The following HUWE1 variants were observed in gnomAD, a reference collection of about 807,000 sequenced individuals.
HUWE1 encodes HECT, UBA and WWE domain containing E3 ubiquitin protein ligase 1.
HUWE1 carries 18 observed loss-of-function variants against 299.4 expected under a neutral mutation model. That is an observed-to-expected ratio of 0.06 (90% CI 0.04 to 0.09). The LOEUF (loss-of-function observed/expected upper bound fraction) is 0.09. HUWE1 is among the 10% of genes least tolerant of loss of function. The pLI, the probability that HUWE1 is intolerant of heterozygous loss-of-function variation, is 1.00. For missense variants in HUWE1, 1,832 were observed against 3,462.3 expected, an observed-to-expected ratio of 0.53 and a Z score of 11.82; for synonymous variants, 1,317 against 1,286.1, an observed-to-expected ratio of 1.02 and a Z score of -0.51.
At position 53,559,540 on chromosome X, in the gene HUWE1, G is replaced by A; in HGVS notation, c.7737-8C>T. 8.3e-7 allele frequency: 1 copy of A among 1,203,438 alleles called. No homozygotes were observed. The highest frequency in any genetic ancestry group is 1.1e-6 in the Non-Finnish European group (1 of 889,722). On this transcript the variant is annotated splice_polypyrimidine_tract_variant and splice_region_variant and intron_variant, in intron 56 of 83. Coordinates refer to ENST00000262854, the MANE Select transcript of HUWE1 (RefSeq NM_031407.7). ...GCTGAGGGACCAAGCAACCTGTAGG[G>A]TAATGGTGGGTACCATGATCACTGT...
At position 53,586,573 on chromosome X, in the gene HUWE1, TAA is replaced by T; in HGVS notation, c.4743-4_4743-3del. ...AGGAGCAACACTGGTGTGATCCACCTAAAAAAGAAAAATGATCTGTTTTGGGA... is the reference window on the plus strand; with the variant it reads ...AGGAGCAACACTGGTGTGATCCACCTAAAAGAAAAATGATCTGTTTTGGGA... On this transcript the variant is annotated splice_polypyrimidine_tract_variant and splice_region_variant and intron_variant, in intron 38 of 83. Transcript: ENST00000262854. The T allele has an allele frequency of 1.7e-6, 2 of 1,193,953 alleles. No homozygotes were observed.
At chrX:53,624,916 A>G in intron 18 of HUWE1, among the ~76,000 whole-genome samples, 1 of 112,116 alleles carries the variant, frequency 8.9e-6, no homozygotes, top group Non-Finnish European at 1.9e-5. Flanking sequence ...GGGTAATAAG[A>G]CGGAATTAAG....
intron 69 of HUWE1, 44 bp downstream of exon 69, chrX:53,546,660 C>A: frequency 8.3e-7 from 1 of 1,210,123 alleles, no homozygotes; most frequent in South Asian, 1.8e-5. Context: ...CCCTGTTTAT[C>A]CTTTCTCCCC....
chrX:53,593,937 A>C (rs2064304385), intron 31 of HUWE1, among the ~76,000 whole-genome samples: 1 of 110,519 alleles, frequency 9.0e-6, no homozygotes, highest in Non-Finnish European at 1.9e-5. Context: ...TCTCTACTAA[A>C]TATACAAAAA....
intron 3 of HUWE1, among the ~76,000 whole-genome samples, chrX:53,657,671 A>G (rs1158001482): frequency 8.9e-6 from 1 of 112,193 alleles, no homozygotes; most frequent in African/African-American, 3.2e-5. Context: ...ATGATCATAC[A>G]TGCAGAAAAT....
intron 51 of HUWE1, among the ~76,000 whole-genome samples, 186 bp downstream of exon 51, chrX:53,564,387 GC>G (rs2062432362): frequency 9.0e-6 from 1 of 111,232 alleles, no homozygotes; most frequent in Admixed American, 9.5e-5. Context: ...TCCTGGCCCT[GC>G]CCCCACCCCT....
intron 42 of HUWE1, among the ~76,000 whole-genome samples, chrX:53,583,270 C>A: frequency 9.7e-6 from 1 of 102,900 alleles, no homozygotes; most frequent in East Asian, 3.0e-4. Context: ...CAGTTCTTTA[C>A]TAACGGTTTT....
chrX:53,681,775 T>A (rs904654346), intron 2 of HUWE1, among the ~76,000 whole-genome samples: 11 of 112,244 alleles, frequency 9.8e-5, no homozygotes, highest in African/African-American at 3.6e-4. Flanking sequence ...ATTACTTTTG[T>A]AGAGTGAATG....
chrX:53,680,631 A>AT (rs782444949), intron 2 of HUWE1: 14 of 112,330 alleles, frequency 1.2e-4, no homozygotes, highest in African/African-American at 4.5e-4. Flanking sequence ...GAACTTTGCC[A>AT]TTGAACCTTA....
rs1556971884 is a variant in HUWE1 at position 53,584,997 on chromosome X, T to C, written c.5001+15A>G. 8.3e-7 allele frequency: 1 copy of C among 1,209,649 alleles called. No individual in the cohort carries two copies. The highest frequency in any genetic ancestry group is 1.1e-6 in the Non-Finnish European group (1 of 894,846). ...TGGTCCACGGGTTAGACAAGCTTGG[T>C]GAGTGAGCATGTACCTGCACCATTG... On this transcript the variant is annotated intron_variant, in intron 40 of 83. Transcript: ENST00000262854.
At chrX:53,634,409 A>T in intron 7 of HUWE1, 111 bp from the exon 8 acceptor site, 1 of 544,788 alleles carries the variant, frequency 1.8e-6, no homozygotes. Flanking sequence ...CTCTATGTAT[A>T]TACACATACA....
intron 19 of HUWE1, among the ~76,000 whole-genome samples, chrX:53,619,298 C>T (rs191050946): frequency 9.2e-4 from 102 of 111,209 alleles, no homozygotes; most frequent in South Asian, 3.1e-3. Context: ...GATTGACTTA[C>T]ATTTGTAGAA....
intron 49 of HUWE1, 87 bp from the exon 50 acceptor site, chrX:53,565,326 A>C (rs1235783703): frequency 8.2e-5 from 70 of 854,913 alleles, no homozygotes; most frequent in Admixed American, 3.6e-4. Context: ...CTTACAATGG[A>C]ATCTACTAAG....
At position 53,607,565 on chromosome X, in the gene HUWE1, A is replaced by C. The variant is rs1297483356; in HGVS notation, c.2454T>G (p.Ser818=). The C allele has an allele frequency of 8.3e-7, 1 of 1,210,223 alleles. No individual in the cohort carries two copies. The highest frequency in any genetic ancestry group is 1.1e-6 in the Non-Finnish European group (1 of 894,841). ...CACCTGCAACAGCCTGACAGGCAGC[A>C]GATGTGGGAAAGTCAATGGGCAGAT... ...LPNLPIDFPT[S]AACQAVAGVC... The change falls in exon 25 of 84, where the codon TCT becomes TCG. Residue 818 remains serine, a synonymous_variant. Coordinates refer to ENST00000262854, the MANE Select transcript of HUWE1 (RefSeq NM_031407.7).
chrX:53,670,987 CA>C (rs782737372), intron 3 of HUWE1, among the ~76,000 whole-genome samples: 1 of 112,237 alleles, frequency 8.9e-6, no homozygotes, highest in African/African-American at 3.2e-5. Context: ...AAACATATCA[CA>C]GTGAAAAATG....
At chrX:53,654,282 C>T (rs1234988660) in intron 3 of HUWE1, among the ~76,000 whole-genome samples, 151 bp from the exon 4 acceptor site, 1 of 112,043 alleles carries the variant, frequency 8.9e-6, no homozygotes, top group East Asian at 2.8e-4. Context: ...CTCAGAGGCA[C>T]AGCTATCAGG....
At chrX:53,539,946 G>T in intron 74 of HUWE1, 134 bp from the exon 75 acceptor site, 1 of 542,214 alleles carries the variant, frequency 1.8e-6, no homozygotes, top group Non-Finnish European at 2.9e-6. Context: ...TACTCACCGA[G>T]CAACATCTGA....
chrX:53,648,157 A>G (rs1217412060), intron 5 of HUWE1, 55 bp downstream of exon 5: 4 of 769,613 alleles, frequency 5.2e-6, no homozygotes, highest in African/African-American at 2.1e-5. Context: ...CAGAGCATAC[A>G]AAATGATGTA....
Position 53,544,567 on chromosome X carries a change from G to A in HUWE1, c.11244C>T (p.Gly3748=). 1 of 1,205,096 alleles carries A rather than the reference G, an allele frequency of 8.3e-7. No individual in the cohort carries two copies. ...RRANKKAKQT[G]RLGSSGLGSA... ...GACACTCTAGTTCCATACCTAGCCT[G>A]CCTGTCTGCTTGGCTTTCTTGTTAG... Residue 3748 remains glycine (G), a synonymous_variant, in exon 72 of 84, where the codon GGC becomes GGT. Coordinates refer to ENST00000262854, the MANE Select transcript of HUWE1 (RefSeq NM_031407.7).
Sources: gnomAD v4.1 joint callset for allele counts (sites outside exome capture counted in the v4.1 genomes callset) on GRCh38, gnomAD v4.1.1 for gene constraint, MANE v1.5 for transcripts, NCBI Gene and HGNC (gene_info 2026-07-23, HGNC 2026-07-21) for gene names.